The following XYLT1 variants were observed in gnomAD, a reference collection of about 807,000 sequenced individuals.
XYLT1 encodes beta-D-xylosyltransferase 1.
A neutral mutation model predicts 91.3 loss-of-function variants in XYLT1; 36 were observed. The ratio of observed to expected loss-of-function variants is 0.39; its 90% CI spans 0.30 to 0.52. The LOEUF is 0.52. Among genes scored for constraint, XYLT1 ranks in the 20% least tolerant of loss-of-function variants. The pLI is 0.68. For synonymous variants in XYLT1, 588 were observed against 532.0 expected (o/e 1.11, Z -1.45); for missense variants, 1,242 against 1,284.5 (o/e 0.97, Z 0.51).
intron 1 of XYLT1, among the ~76,000 whole-genome samples, chr16:17,366,168 T>A (rs900488833): frequency 2.0e-5 from 3 of 151,160 alleles, no homozygotes; most frequent in Non-Finnish European, 4.4e-5. Context: ...ATTTCTCACG[T>A]CTCCTTTAAG....
Position 17,466,124 on chromosome 16 carries a change from T to A in XYLT1, c.363+4310A>T, listed in dbSNP as rs550057776. The stretch of plus-strand genomic sequence containing the variant: ...ATCGAGTTTGTTTTTTAGTTATTTT[T>A]TATTTTCCCCAAGGCATTTTCTCTT... On this transcript the variant is annotated intron_variant, in intron 1 of 11. Coordinates refer to ENST00000261381, the MANE Select transcript of XYLT1 (RefSeq NM_022166.4). Among the ~76,000 whole-genome samples the A allele has an allele frequency of 2.6e-5, 4 of 152,338 alleles. No homozygotes were observed. In the East Asian group the frequency reaches 7.7e-4, roughly 29 times the overall value.
intron 1 of XYLT1, among the ~76,000 whole-genome samples, chr16:17,388,062 C>G (rs1057435058): frequency 3.3e-5 from 5 of 152,216 alleles, no homozygotes; most frequent in Non-Finnish European, 7.3e-5. Flanking sequence ...CGCACCTAAC[C>G]TACCGAATAT....
intron 2 of XYLT1, among the ~76,000 whole-genome samples, chr16:17,305,518 C>A (rs1218024954): frequency 6.6e-6 from 1 of 150,758 alleles, no homozygotes; most frequent in Non-Finnish European, 1.5e-5. Flanking sequence ...TGGGTTCAAG[C>A]GATTCTTCTG....
chr16:17,221,812 T>C (rs1048284696), intron 3 of XYLT1, among the ~76,000 whole-genome samples: 2 of 152,156 alleles, frequency 1.3e-5, no homozygotes, highest in African/African-American at 2.4e-5. Context: ...GTGCTTTACA[T>C]AGAGCACTAA....
intron 2 of XYLT1, among the ~76,000 whole-genome samples, chr16:17,351,977 C>T (rs1555499417): frequency 1.3e-5 from 2 of 152,130 alleles, no homozygotes; most frequent in Non-Finnish European, 2.9e-5. Context: ...AATCCCACCT[C>T]TACAAAAATT....
At chr16:17,262,393 T>C (rs1426060423) in intron 2 of XYLT1, among the ~76,000 whole-genome samples, 2 of 152,144 alleles carry the variant, frequency 1.3e-5, no homozygotes, top group East Asian at 3.9e-4. Context: ...ATCTGCCTGA[T>C]TCTAAAATCT....
intron 1 of XYLT1, among the ~76,000 whole-genome samples, chr16:17,426,716 G>A (rs1222869034): frequency 6.6e-6 from 1 of 152,126 alleles, no homozygotes; most frequent in Non-Finnish European, 1.5e-5. Context: ...GCCCAACAAT[G>A]GCAGAGCTGA....
chr16:17,156,095 A>G (rs1180225588), intron 6 of XYLT1, among the ~76,000 whole-genome samples: 4 of 152,348 alleles, frequency 2.6e-5, no homozygotes, highest in Admixed American at 1.3e-4. Context: ...AGGTCTATTA[A>G]TATTTTCAAA....
chr16:17,161,953 C>A (rs2031565833), intron 5 of XYLT1, among the ~76,000 whole-genome samples: 1 of 152,104 alleles, frequency 6.6e-6, no homozygotes, highest in African/African-American at 2.4e-5. Flanking sequence ...AATAAACTTA[C>A]TGGGAGCCAT....
At chr16:17,382,625 G>A (rs1171234467) in intron 1 of XYLT1, among the ~76,000 whole-genome samples, 1 of 151,832 alleles carries the variant, frequency 6.6e-6, no homozygotes, top group African/African-American at 2.4e-5. Flanking sequence ...GCACATGGGA[G>A]ATGAACTTGG....
At chr16:17,126,987 A>G (rs889872481) in intron 10 of XYLT1, among the ~76,000 whole-genome samples, 11 of 152,260 alleles carry the variant, frequency 7.2e-5, no homozygotes, top group African/African-American at 2.7e-4. Context: ...ATGCTAAGAA[A>G]AAGTATTAAA....
At chr16:17,138,626 TAAG>T in intron 7 of XYLT1, 95 bp from the exon 8 acceptor site, 1 of 1,421,248 alleles carries the variant, frequency 7.0e-7, no homozygotes, top group Middle Eastern at 2.4e-4. Context: ...TGAGTTCATG[TAAG>T]AACTGGTTGT....
intron 2 of XYLT1, among the ~76,000 whole-genome samples, chr16:17,339,186 TG>T (rs2035031398): frequency 1.3e-5 from 2 of 152,212 alleles, no homozygotes; most frequent in Admixed American, 1.3e-4. Flanking sequence ...TCTGTGAGTT[TG>T]GGGATCTATG....
At chr16:17,238,638 C>G (rs969927469) in intron 3 of XYLT1, among the ~76,000 whole-genome samples, 2 of 152,240 alleles carry the variant, frequency 1.3e-5, no homozygotes, top group Admixed American at 1.3e-4. Context: ...CTACAAGGTC[C>G]TGCATGACCA....
At chr16:17,204,966 C>CAAAAAAAAAAAAAAAAAA (rs530525798) in intron 3 of XYLT1, among the ~76,000 whole-genome samples, 1 of 81,272 alleles carries the variant, frequency 1.2e-5, no homozygotes, top group Non-Finnish European at 2.4e-5. Flanking sequence ...TGCCCAGCTC[C>CAAAAAAAAAAAAAAAAAA]AAAAAAAAAA....
intron 2 of XYLT1, among the ~76,000 whole-genome samples, chr16:17,266,676 G>A (rs940298967): frequency 4.6e-5 from 7 of 152,134 alleles, no homozygotes; most frequent in Admixed American, 3.3e-4. Flanking sequence ...TGGCCCACCC[G>A]CTCATCGTGA....
chr16:17,191,688 A>G (rs887513149), intron 5 of XYLT1, among the ~76,000 whole-genome samples: 2 of 152,188 alleles, frequency 1.3e-5, no homozygotes, highest in Non-Finnish European at 2.9e-5. Flanking sequence ...AGCCCTGGCC[A>G]CCTGTTCCTG....
chr16:17,224,482 C>T (rs1401786077), intron 3 of XYLT1, among the ~76,000 whole-genome samples: 1 of 152,206 alleles, frequency 6.6e-6, no homozygotes, highest in African/African-American at 2.4e-5. Context: ...CAAAAGATTA[C>T]TCAGTGTACG....
At chr16:17,130,782 G>A (rs998727085) in intron 9 of XYLT1, among the ~76,000 whole-genome samples, 4 of 152,036 alleles carry the variant, frequency 2.6e-5, no homozygotes, top group Non-Finnish European at 4.4e-5. Flanking sequence ...TAGTAGCCAC[G>A]TCCATCGTCC....
Sources: gnomAD v4.1 joint callset for allele counts (sites outside exome capture counted in the v4.1 genomes callset) on GRCh38, gnomAD v4.1.1 for gene constraint, MANE v1.5 for transcripts, NCBI Gene and HGNC (gene_info 2026-07-23, HGNC 2026-07-21) for gene names.